The following PDCD1LG2 variants were observed in gnomAD, a reference collection of about 807,000 sequenced individuals.
The protein encoded by PDCD1LG2 is programmed cell death 1 ligand 2.
A neutral mutation model predicts 28.2 loss-of-function variants in PDCD1LG2; 32 were observed. The ratio of observed to expected loss-of-function variants is 1.13; its 90% CI spans 0.86 to 1.52. The LOEUF (loss-of-function observed/expected upper bound fraction) is 1.52, where lower values mean the gene tolerates loss of function less well. PDCD1LG2 is among the 40% of genes most tolerant of loss of function. The pLI, the probability that PDCD1LG2 is intolerant of heterozygous loss-of-function variation, is 0.00. For missense variants in PDCD1LG2, 385 were observed against 323.8 expected, an observed-to-expected ratio of 1.19 and a Z score of -1.45; for synonymous variants, 116 against 120.2, an observed-to-expected ratio of 0.97 and a Z score of 0.23.
intron 3 of PDCD1LG2, among the ~76,000 whole-genome samples, chr9:5,545,469 T>C (rs958489555): frequency 6.6e-6 from 1 of 152,246 alleles, no homozygotes; most frequent in Non-Finnish European, 1.5e-5. Context: ...TTTCCATTCA[T>C]AGATGTTTTC....
chr9:5,566,321 C>G (rs1816664746), intron 6 of PDCD1LG2, among the ~76,000 whole-genome samples: 1 of 152,196 alleles, frequency 6.6e-6, no homozygotes, highest in African/African-American at 2.4e-5. Context: ...GTGAAAATGC[C>G]TAATAGAGTT....
chr9:5,521,424 T>A (rs965158644), intron 1 of PDCD1LG2, among the ~76,000 whole-genome samples: 1 of 152,224 alleles, frequency 6.6e-6, no homozygotes, highest in Admixed American at 6.5e-5. Flanking sequence ...AATTATACTT[T>A]AATAAAGCTG....
chr9:5,532,268 A>T (rs1382560069), intron 2 of PDCD1LG2, among the ~76,000 whole-genome samples: 1 of 152,086 alleles, frequency 6.6e-6, no homozygotes, highest in Non-Finnish European at 1.5e-5. Context: ...GCACACGTGA[A>T]CTCCTCTCTG....
In PDCD1LG2 at chr9:5,513,526, C is replaced by T. The variant is rs187978725; in HGVS notation, c.-15+2723C>T. Among the ~76,000 whole-genome samples, 68 of 152,322 alleles carry T rather than the reference C, an allele frequency of 4.5e-4. No homozygotes were observed. In the East Asian group the frequency reaches 9.6e-3, roughly 22 times the overall value. On this transcript the variant is annotated intron_variant, in intron 1 of 6. Transcript: ENST00000397747. The stretch of plus-strand genomic sequence containing the variant: ...TTAGAGGAAACCCTCTATGAATTCT[C>T]CAATGATAAATTATTCTATGAATTC...
intron 2 of PDCD1LG2, among the ~76,000 whole-genome samples, chr9:5,525,925 T>A (rs1820368749): frequency 6.6e-6 from 1 of 151,724 alleles, no homozygotes; most frequent in Non-Finnish European, 1.5e-5. Flanking sequence ...CACAAGCCTG[T>A]AATCCCAGCT....
rs766319381 is a variant in PDCD1LG2, at chr9:5,569,988, T to G, written c.*29T>G. Reference sequence around the variant, plus strand: ...TGTGGTCTTGGGAGCCAGGGTGACCTGATATGACATCTAAAGAAGCTTCTG... The same window carrying G: ...TGTGGTCTTGGGAGCCAGGGTGACCGGATATGACATCTAAAGAAGCTTCTG... On this transcript the variant is annotated 3_prime_UTR_variant, in exon 7 of 7. Coordinates refer to ENST00000397747, the MANE Select transcript of PDCD1LG2 (RefSeq NM_025239.4). The surrounding 1 kb of genome is among the most constrained non-coding windows in gnomAD (Gnocchi z 4.1). 3.2e-5 allele frequency: 52 copies of G among 1,613,728 alleles called. No homozygotes were observed. Among genetic ancestry groups the G allele is most frequent in the Non-Finnish European group, 4.3e-5 (51 of 1,179,756 alleles).
intron 2 of PDCD1LG2, among the ~76,000 whole-genome samples, chr9:5,534,381 A>G (rs975287610): frequency 1.3e-4 from 20 of 152,318 alleles, no homozygotes; most frequent in African/African-American, 4.3e-4. Context: ...TTCTTATATG[A>G]CAGATGACCT....
chr9:5,528,160 G>A (rs1249440553), intron 2 of PDCD1LG2, among the ~76,000 whole-genome samples: 1 of 150,452 alleles, frequency 6.6e-6, no homozygotes, highest in Non-Finnish European at 1.5e-5. Flanking sequence ...TAGGTGTGTA[G>A]AAGTGGTTCT....
chr9:5,522,452 C>T lies in PDCD1LG2; in HGVS notation c.-14-81C>T, dbSNP rs147678378. The T allele has an allele frequency of 3.8e-5, 40 of 1,044,818 alleles. No homozygotes were observed. The East Asian group carries it at 8.4e-4, about 22-fold the overall frequency. The allele number at this position is 1,044,818 out of a possible 1,614,324, so 64.7% of individuals were successfully genotyped here. A position where few individuals can be genotyped will look rare whatever the true frequency, so the allele number is the denominator to read the frequency against. On this transcript the variant is annotated intron_variant, in intron 1 of 6. Coordinates refer to ENST00000397747, the MANE Select transcript of PDCD1LG2 (RefSeq NM_025239.4). Reference sequence around the variant, plus strand: ...ACCTTCCCCAAATGATTTGTTATTCCCCTGTTTTCAAAAGTGAACAAAGAA... The same window carrying T: ...ACCTTCCCCAAATGATTTGTTATTCTCCTGTTTTCAAAAGTGAACAAAGAA...
intron 3 of PDCD1LG2, among the ~76,000 whole-genome samples, chr9:5,541,308 A>G (rs1820682042): frequency 6.6e-6 from 1 of 152,128 alleles, no homozygotes; most frequent in African/African-American, 2.4e-5. Flanking sequence ...GGAACAAGAC[A>G]AGACACTTTC....
chr9:5,558,135 C>T (rs139821102), intron 5 of PDCD1LG2, among the ~76,000 whole-genome samples: 27 of 152,300 alleles, frequency 1.8e-4, no homozygotes, highest in Middle Eastern at 3.4e-3. Flanking sequence ...ATTTTCACCC[C>T]TCTTTTCCCC....
chr9:5,525,878 C>A (rs1019001471), intron 2 of PDCD1LG2, among the ~76,000 whole-genome samples: 3 of 151,872 alleles, frequency 2.0e-5, no homozygotes, highest in African/African-American at 4.8e-5. Flanking sequence ...GAAACCTCGT[C>A]TCTACAAAAA....
chr9:5,553,298 T>G (rs942990493), intron 4 of PDCD1LG2, among the ~76,000 whole-genome samples: 2 of 152,224 alleles, frequency 1.3e-5, no homozygotes, highest in African/African-American at 4.8e-5. Flanking sequence ...TCATGAAAGA[T>G]GAACTCTAAC....
At chr9:5,555,962 G>A (rs1182509787) in intron 4 of PDCD1LG2, among the ~76,000 whole-genome samples, 5 of 152,218 alleles carry the variant, frequency 3.3e-5, no homozygotes, top group Non-Finnish European at 7.3e-5. Context: ...CAAATGACTA[G>A]GAGGATCAGG....
chr9:5,569,027 C>A lies in PDCD1LG2; in HGVS notation c.817-927C>A, dbSNP rs1262557806. Among the ~76,000 whole-genome samples, 2 of 152,084 alleles carry A rather than the reference C, an allele frequency of 1.3e-5. No individual in the cohort carries two copies. The highest frequency in any genetic ancestry group is 6.5e-5 in the Admixed American group (1 of 15,274). ...GACACTAACAGGAAAGGCAGAGAGG[C>A]AGGAAGGTGTGGGAAAGTGCACGTG... On this transcript the variant is annotated intron_variant, in intron 6 of 6. Transcript: ENST00000397747. This position sits in a 1 kb window ranked among gnomAD's most constrained non-coding sequence, Gnocchi z 4.1.
intron 2 of PDCD1LG2, among the ~76,000 whole-genome samples, chr9:5,523,919 C>A (rs752807742): frequency 9.9e-5 from 15 of 152,148 alleles, no homozygotes; most frequent in Non-Finnish European, 1.9e-4. Context: ...GCTAGGGTGA[C>A]AAGGGGCAAC....
At chr9:5,520,062 T>C (rs1254572056) in intron 1 of PDCD1LG2, among the ~76,000 whole-genome samples, 2 of 152,174 alleles carry the variant, frequency 1.3e-5, no homozygotes, top group Non-Finnish European at 2.9e-5. Flanking sequence ...GCTTCCTTTG[T>C]CTGCAGAAAT....
chr9:5,511,752 C>T (rs1279006725), intron 1 of PDCD1LG2, among the ~76,000 whole-genome samples: 3 of 152,112 alleles, frequency 2.0e-5, no homozygotes, highest in Non-Finnish European at 4.4e-5. Context: ...GATCTATTTG[C>T]CTTCATTATT....
chr9:5,534,705 T>A (rs1425754372), intron 2 of PDCD1LG2, 40 bp from the exon 3 acceptor site: 2 of 1,542,318 alleles, frequency 1.3e-6, no homozygotes, highest in Non-Finnish European at 8.8e-7. Flanking sequence ...GAATGTAAAG[T>A]AAAGGCAGAC....
Sources: gnomAD v4.1 joint callset for allele counts (sites outside exome capture counted in the v4.1 genomes callset) on GRCh38, gnomAD v4.1.1 for gene constraint, Gnocchi (gnomAD v3.1) non-coding constraint, MANE v1.5 for transcripts, NCBI Gene and HGNC (gene_info 2026-07-23, HGNC 2026-07-21) for gene names.